The following HK1 variants were observed in gnomAD, a reference collection of about 807,000 sequenced individuals.
HK1 encodes the protein hexokinase-1.
Under a neutral mutation model 91.6 loss-of-function variants are expected in HK1, and 28 were observed. The observed-to-expected ratio is 0.31, with a 90% CI of 0.23 to 0.42. The LOEUF (loss-of-function observed/expected upper bound fraction) is 0.42. Among genes scored for constraint, HK1 ranks in the 10% least tolerant of loss-of-function variants. The pLI, the probability that HK1 is intolerant of heterozygous loss-of-function variation, is 1.00. For synonymous variants in HK1, 430 were observed against 468.1 expected, an observed-to-expected ratio of 0.92 and a Z score of 1.05; for missense variants, 770 against 1,219.8, an observed-to-expected ratio of 0.63 and a Z score of 5.49.
chr10:69,385,187 A>T (rs1408438513), intron 12 of HK1, among the ~76,000 whole-genome samples: 3 of 152,110 alleles, frequency 2.0e-5, no homozygotes, highest in Non-Finnish European at 4.4e-5. Context: ...CCCCCTGTTC[A>T]TTTGATTGTT....
At chr10:69,359,385 A>G (rs1485876281) in intron 2 of HK1, among the ~76,000 whole-genome samples, 2 of 152,218 alleles carry the variant, frequency 1.3e-5, no homozygotes, top group African/African-American at 4.8e-5. Context: ...GGTAAATTTT[A>G]TGCTATGTGT....
upstream of HK1, chr10:69,318,804 C>G: frequency 3.6e-6 from 5 of 1,391,440 alleles, no homozygotes; most frequent in Non-Finnish European, 4.6e-6. Flanking sequence ...CGCGAGCTGT[C>G]GCCGCGCCCC....
At chr10:69,285,047 G>A (rs1424512816) in intron 2 of HK1, among the ~76,000 whole-genome samples, 1 of 152,046 alleles carries the variant, frequency 6.6e-6, no homozygotes, top group Non-Finnish European at 1.5e-5. Flanking sequence ...TCGAACTCCT[G>A]ACCTCAGGTG....
Position 69,350,842 on chromosome 10 carries a change from G to A in HK1, c.226+6853G>A, listed in dbSNP as rs550616268. 2.0e-5 allele frequency among the ~76,000 whole-genome samples: 3 copies of A among 152,088 alleles called. No homozygotes were observed. The South Asian group carries it at 6.2e-4, about 32-fold the overall frequency. ...GGTTTATAGTTGTTTATCAGACTGA[G>A]CTTTCACTGTCTTCATTAGAGAATG... On this transcript the variant is annotated intron_variant, in intron 2 of 17. Transcript: ENST00000359426.
chr10:69,367,976 C>A (rs1033611697), intron 4 of HK1, among the ~76,000 whole-genome samples: 1 of 152,234 alleles, frequency 6.6e-6, no homozygotes, highest in South Asian at 2.1e-4. Context: ...TCACCACTTA[C>A]AAATGGCGGT....
chr10:69,351,806 C>A (rs79086908), intron 2 of HK1, among the ~76,000 whole-genome samples: 20,367 of 152,100 alleles, frequency 0.13, 1,553 homozygotes, highest in South Asian at 0.27. Flanking sequence ...AATGGGCATC[C>A]TGACAGTACT....
intron 7 of HK1, among the ~76,000 whole-genome samples, chr10:69,370,741 T>C (rs1849955816): frequency 6.6e-6 from 1 of 152,136 alleles, no homozygotes; most frequent in Non-Finnish European, 1.5e-5. Context: ...GCAACCTCCA[T>C]TCTTACTATG....
chr10:69,372,868 G>T (rs1288753553), intron 7 of HK1, among the ~76,000 whole-genome samples: 11 of 151,086 alleles, frequency 7.3e-5, no homozygotes, highest in Admixed American at 2.6e-4. Flanking sequence ...TTTTTTTTTT[G>T]TTGTTGTTGT....
chr10:69,337,670 G>A (rs373423673), intron 1 of HK1, among the ~76,000 whole-genome samples: 1 of 152,204 alleles, frequency 6.6e-6, no homozygotes, highest in Non-Finnish European at 1.5e-5. Flanking sequence ...CCTTCAGGGT[G>A]CACGCCACAA....
chr10:69,395,666 A>G (rs1192478212), intron 16 of HK1, among the ~76,000 whole-genome samples: 1 of 152,194 alleles, frequency 6.6e-6, no homozygotes, highest in Non-Finnish European at 1.5e-5. Flanking sequence ...TATGTGTGTA[A>G]GAGGGCCATA....
In HK1 at chr10:69,380,353, T is replaced by C. The variant is rs1400102541; in HGVS notation, c.1265+258T>C. Among the ~76,000 whole-genome samples, 1 of 152,146 alleles carries C rather than the reference T, an allele frequency of 6.6e-6. No homozygotes were observed. The highest frequency in any genetic ancestry group is 1.5e-5 in the Non-Finnish European group (1 of 68,032). On this transcript the variant is annotated intron_variant, in intron 9 of 17. Coordinates refer to ENST00000359426, the MANE Select transcript of HK1 (RefSeq NM_000188.3). This position sits in a 1 kb window ranked among gnomAD's most constrained non-coding sequence, Gnocchi z 4.0. ...ATAAATAAATAGATAAATAACATGC[T>C]TAGTTCTGGGCATAAGGTCAGCGTC...
chr10:69,343,830 G>A lies in HK1; in HGVS notation c.67G>A (p.Asp23Asn), dbSNP rs1363984577. 1 of 1,612,770 alleles carries A rather than the reference G, an allele frequency of 6.2e-7. No homozygotes were observed. Among genetic ancestry groups the A allele is most frequent in the East Asian group, 2.2e-5 (1 of 44,862 alleles). The change falls in exon 2 of 18, where the codon GAC (aspartate) becomes AAC (asparagine). Residue 23 changes from aspartate (D) to asparagine (N), a missense_variant. By Grantham distance (23) the Asp-to-Asn change is conservative. Transcript: ENST00000359426. ...ELKDDQVKKI[D>N]KYLYAMRLSD... is the part of the protein sequence containing the mutation. ...CTTCCTTCTCATCCCCCTCCAGATT[G>A]ACAAGTATCTCTATGCCATGCGGCT...
At chr10:69,300,089 C>T (rs373919305) in intron 4 of HK1, among the ~76,000 whole-genome samples, 1 of 151,766 alleles carries the variant, frequency 6.6e-6, no homozygotes, top group Non-Finnish European at 1.5e-5. Context: ...TGTGAGCCAC[C>T]ATGCCCGGCT....
At chr10:69,305,836 G>A (rs1387002568) in intron 5 of HK1, among the ~76,000 whole-genome samples, 1 of 150,416 alleles carries the variant, frequency 6.6e-6, no homozygotes, top group African/African-American at 2.4e-5. Context: ...CTGGGCGACA[G>A]AGTGAGACTC....
intron 2 of HK1, among the ~76,000 whole-genome samples, chr10:69,354,757 C>T (rs1849045167): frequency 6.6e-6 from 1 of 152,128 alleles, no homozygotes; most frequent in African/African-American, 2.4e-5. Context: ...GTCTTTCCCT[C>T]AAGGAACTTG....
At chr10:69,345,045 G>T (rs747774034) in intron 2 of HK1, among the ~76,000 whole-genome samples, 1 of 151,996 alleles carries the variant, frequency 6.6e-6, no homozygotes, top group African/African-American at 2.4e-5. Context: ...CAAAATGGAC[G>T]CCAGGAAACT....
chr10:69,389,084 A>G (rs1839778096), intron 13 of HK1, 113 bp from the exon 14 acceptor site: 5 of 784,516 alleles, frequency 6.4e-6, no homozygotes, highest in Admixed American at 6.0e-5. Context: ...TAAGAAAACC[A>G]TCTTAGATGA....
intron 3 of HK1, among the ~76,000 whole-genome samples, chr10:69,289,982 T>C (rs973592194): frequency 6.6e-6 from 1 of 152,030 alleles, no homozygotes; most frequent in Non-Finnish European, 1.5e-5. Flanking sequence ...AAATAAACCC[T>C]GGAAAATGTT....
At chr10:69,345,841 A>G (rs1848522869) in intron 2 of HK1, among the ~76,000 whole-genome samples, 1 of 152,222 alleles carries the variant, frequency 6.6e-6, no homozygotes, top group South Asian at 2.1e-4. Context: ...GCCATTTGCC[A>G]TATTGGCTAC....
Sources: gnomAD v4.1 joint callset for allele counts (sites outside exome capture counted in the v4.1 genomes callset) on GRCh38, gnomAD v4.1.1 for gene constraint, Gnocchi (gnomAD v3.1) non-coding constraint, MANE v1.5 for transcripts, NCBI Gene and HGNC (gene_info 2026-07-23, HGNC 2026-07-21) for gene names.